PPM1H: variants seen among roughly 807,000 people sequenced by gnomAD.
PPM1H encodes protein phosphatase 1H.
Under a neutral mutation model 54.9 loss-of-function variants are expected in PPM1H, and 27 were observed. The observed-to-expected ratio is 0.49, with a 90% CI of 0.36 to 0.68. The LOEUF (loss-of-function observed/expected upper bound fraction) is 0.68, where lower values mean the gene tolerates loss of function less well. Among genes scored for constraint, PPM1H ranks in the 30% least tolerant of loss-of-function variants. The pLI, the probability that PPM1H is intolerant of heterozygous loss-of-function variation, is 0.00. For synonymous variants in PPM1H, 305 were observed against 270.8 expected, an observed-to-expected ratio of 1.13 and a Z score of -1.24; for missense variants, 596 against 667.8, an observed-to-expected ratio of 0.89 and a Z score of 1.19.
chr12:62,855,855 G>A (rs1253684236), intron 1 of PPM1H, among the ~76,000 whole-genome samples: 2 of 152,182 alleles, frequency 1.3e-5, no homozygotes, highest in African/African-American at 4.8e-5. Context: ...CTTGAGCTGT[G>A]TTCTCAAACA....
chr12:62,860,879 T>C (rs1003122884), intron 1 of PPM1H, among the ~76,000 whole-genome samples: 5 of 152,162 alleles, frequency 3.3e-5, no homozygotes, highest in Non-Finnish European at 7.3e-5. Flanking sequence ...ACTGACTGGG[T>C]GTGGGAAAAT....
intron 6 of PPM1H, among the ~76,000 whole-genome samples, chr12:62,699,425 T>G (rs1309647158): frequency 6.6e-6 from 1 of 152,224 alleles, no homozygotes; most frequent in African/African-American, 2.4e-5. Context: ...ATTAAACTCC[T>G]GACCTCAGGT....
intron 1 of PPM1H, among the ~76,000 whole-genome samples, chr12:62,880,372 TG>T (rs1046890583): frequency 2.6e-5 from 4 of 152,192 alleles, no homozygotes; most frequent in African/African-American, 7.2e-5. Context: ...TCTCAGAGAT[TG>T]TAACTTCCAT....
chr12:62,656,273 C>G lies in PPM1H; in HGVS notation c.1398-7637G>C, dbSNP rs115252958. On this transcript the variant is annotated intron_variant, in intron 9 of 9. Coordinates refer to ENST00000228705, the MANE Select transcript of PPM1H (RefSeq NM_020700.2). ...TGGCTCTGGAAGAAGTTTTTAGCCT[C>G]TTGGAGCCCCTCTTTCCTTACTCAA... 2.5e-3 allele frequency among the ~76,000 whole-genome samples: 377 copies of G among 152,304 alleles called. 3 individuals carry two copies. The highest frequency in any genetic ancestry group is 8.8e-3 in the African/African-American group (365 of 41,568).
At chr12:62,662,296 G>C (rs2075888789) in intron 9 of PPM1H, among the ~76,000 whole-genome samples, 1 of 152,182 alleles carries the variant, frequency 6.6e-6, no homozygotes, top group African/African-American at 2.4e-5. Flanking sequence ...AAATCAACAT[G>C]AGAATGTTGC....
rs143679327 is a variant in PPM1H at position 62,768,119 on chromosome 12, C to G, written c.869+20107G>C. 3.3e-5 allele frequency among the ~76,000 whole-genome samples: 5 copies of G among 152,260 alleles called. No individual in the cohort carries two copies. In the East Asian group the frequency reaches 9.7e-4, roughly 29 times the overall value. On this transcript the variant is annotated intron_variant, in intron 4 of 9. Coordinates refer to ENST00000228705, the MANE Select transcript of PPM1H (RefSeq NM_020700.2). ...CAGTATGTGTGAGGTTTTCGTGGGT[C>G]ATACATCACTCGCCCACACCCCCGT...
chr12:62,664,980 C>CT (rs773613533), intron 9 of PPM1H, among the ~76,000 whole-genome samples: 345 of 137,232 alleles, frequency 2.5e-3, no homozygotes, highest in South Asian at 9.0e-3. Context: ...TGAATGTCTT[C>CT]TTTTTTTTTT....
intron 9 of PPM1H, among the ~76,000 whole-genome samples, chr12:62,661,454 G>C (rs2075883036): frequency 6.6e-6 from 1 of 152,204 alleles, no homozygotes; most frequent in South Asian, 2.1e-4. Flanking sequence ...AGGCTGGAGT[G>C]CAGTGGCACC....
At chr12:62,674,582 GTCA>G (rs1386238441) in intron 8 of PPM1H, among the ~76,000 whole-genome samples, 8 of 152,244 alleles carry the variant, frequency 5.3e-5, no homozygotes, top group African/African-American at 1.9e-4. Flanking sequence ...TTTACTTGAT[GTCA>G]TGAAACAAAC....
At chr12:62,830,080 T>C (rs1868334179) in intron 2 of PPM1H, among the ~76,000 whole-genome samples, 2 of 152,190 alleles carry the variant, frequency 1.3e-5, no homozygotes, top group Admixed American at 6.5e-5. Flanking sequence ...ACTTCACTCA[T>C]AGAGAATAAC....
chr12:62,683,546 G>C (rs1592541388), intron 8 of PPM1H, among the ~76,000 whole-genome samples: 1 of 152,180 alleles, frequency 6.6e-6, no homozygotes, highest in Non-Finnish European at 1.5e-5. Context: ...AGAAAATCTA[G>C]ATTTTAGAAA....
chr12:62,814,377 C>A (rs1299325162), intron 2 of PPM1H, among the ~76,000 whole-genome samples: 1 of 152,086 alleles, frequency 6.6e-6, no homozygotes, highest in Non-Finnish European at 1.5e-5. Context: ...TGCCACCACA[C>A]CTGGCTAATT....
intron 4 of PPM1H, chr12:62,755,286 G>A (rs1222333288): frequency 1.9e-5 from 17 of 906,964 alleles, no homozygotes; most frequent in Admixed American, 5.2e-5. Flanking sequence ...TCACCAGGGC[G>A]GTTTTTAACT....
chr12:62,758,710 G>C (rs562665832), intron 4 of PPM1H, among the ~76,000 whole-genome samples: 1 of 152,294 alleles, frequency 6.6e-6, no homozygotes, highest in South Asian at 2.1e-4. Flanking sequence ...GTGTCACCTA[G>C]ACAGGAACTA....
intron 6 of PPM1H, among the ~76,000 whole-genome samples, chr12:62,715,051 G>A (rs937431568): frequency 1.3e-5 from 2 of 152,180 alleles, no homozygotes; most frequent in South Asian, 2.1e-4. Flanking sequence ...TTGAGAAAGC[G>A]GAATAGCCAG....
chr12:62,731,287 T>C (rs1405625462), intron 5 of PPM1H, among the ~76,000 whole-genome samples: 1 of 152,040 alleles, frequency 6.6e-6, no homozygotes, highest in Non-Finnish European at 1.5e-5. Context: ...GACTCAGACA[T>C]TCTCCCAGGG....
chr12:62,904,807 A>T (rs1274775249), intron 1 of PPM1H, among the ~76,000 whole-genome samples: 1 of 152,242 alleles, frequency 6.6e-6, no homozygotes, highest in Non-Finnish European at 1.5e-5. Context: ...ATAAAATAGT[A>T]GCGTGCCCAA....
chr12:62,899,646 G>T (rs1357799697), intron 1 of PPM1H, among the ~76,000 whole-genome samples: 1 of 152,164 alleles, frequency 6.6e-6, no homozygotes. Flanking sequence ...GCTTTGCTGA[G>T]ACAGATACAC....
chr12:62,822,192 A>G (rs1208124233), intron 2 of PPM1H, among the ~76,000 whole-genome samples: 1 of 152,254 alleles, frequency 6.6e-6, no homozygotes, highest in Non-Finnish European at 1.5e-5. Context: ...GATCAATTCA[A>G]CAAGAAGAGC....
Sources: gnomAD v4.1 joint callset for allele counts (sites outside exome capture counted in the v4.1 genomes callset) on GRCh38, gnomAD v4.1.1 for gene constraint, MANE v1.5 for transcripts, NCBI Gene and HGNC (gene_info 2026-07-23, HGNC 2026-07-21) for gene names.